SH2D7: variants seen among roughly 807,000 people sequenced by gnomAD.
SH2D7 encodes SH2 domain-containing protein 7.
Under a neutral mutation model 40.8 loss-of-function variants are expected in SH2D7, and 32 were observed. The ratio of observed to expected loss-of-function variants is 0.78; its 90% CI spans 0.59 to 1.05. The LOEUF (loss-of-function observed/expected upper bound fraction) is 1.05. Ranked by LOEUF, SH2D7 falls within the 50% of genes least tolerant of loss-of-function variation. The pLI, the probability that SH2D7 is intolerant of heterozygous loss-of-function variation, is 0.00. For missense variants in SH2D7, 559 were observed against 566.6 expected, an observed-to-expected ratio of 0.99 and a Z score of 0.14; for synonymous variants, 195 against 221.5, an observed-to-expected ratio of 0.88 and a Z score of 1.06.
intron 2 of SH2D7, among the ~76,000 whole-genome samples, chr15:78,097,320 C>T (rs1052922737): frequency 2.6e-5 from 4 of 152,150 alleles, no homozygotes; most frequent in African/African-American, 9.7e-5. Flanking sequence ...ATTCATCAAG[C>T]TGCACATTTA....
At chr15:78,102,972 C>T (rs915421451) in intron 5 of SH2D7, among the ~76,000 whole-genome samples, 3 of 152,120 alleles carry the variant, frequency 2.0e-5, no homozygotes, top group Non-Finnish European at 1.5e-5. Flanking sequence ...CCCACACACC[C>T]CATGGATAGC....
At chr15:78,094,850 G>C (rs1238104524) in intron 2 of SH2D7, among the ~76,000 whole-genome samples, 1 of 152,172 alleles carries the variant, frequency 6.6e-6, no homozygotes, top group Non-Finnish European at 1.5e-5. Flanking sequence ...TGAGGTCTAG[G>C]CTAGGGTAAG....
rs1452859352 is a variant in SH2D7 at position 78,092,700 on chromosome 15, C to T, written c.116C>T (p.Ala39Val). ...CTGAAGTGGTTCATGGAGACACAGG[C>T]CCCCTTCATTCTGCAGAACGGTGCC... ...LALKWFMETQ[A>V]PFILQNGALP... The change falls in exon 1 of 6, where the codon GCC becomes GTC. Residue 39 changes from alanine (A) to valine (V), a missense_variant. Ala to Val is a moderately conservative substitution (Grantham distance 64). Transcript: ENST00000328828. 4.4e-6 allele frequency: 7 copies of T among 1,599,770 alleles called. No individual in the cohort carries two copies. The South Asian group carries it at 6.8e-5, about 16-fold the overall frequency.
intron 4 of SH2D7, among the ~76,000 whole-genome samples, chr15:78,099,019 C>CTTT (rs573619880): frequency 6.8e-6 from 1 of 146,864 alleles, no homozygotes; most frequent in African/African-American, 2.5e-5. Context: ...TTTTTCTTTT[C>CTTT]TTTTTTTTTT....
At position 78,094,203 on chromosome 15, in the gene SH2D7, T is replaced by A; in HGVS notation, c.266+2T>A. On this transcript the variant is annotated splice_donor_variant, in intron 2 of 5. Coordinates refer to ENST00000328828, the MANE Select transcript of SH2D7 (RefSeq NM_001101404.2). LOFTEE classifies it high-confidence loss of function. ...CACTGGCTACATCTTGTCCTACAGG[T>A]AAGAGGGGAAGCCCTCTGGGCAAGC... 2 of 1,606,288 alleles carry A rather than the reference T, an allele frequency of 1.2e-6. No individual in the cohort carries two copies. The highest frequency in any genetic ancestry group is 1.7e-6 in the Non-Finnish European group (2 of 1,176,556).
chr15:78,100,754 A>T, intron 4 of SH2D7, 145 bp from the exon 5 acceptor site: 2 of 817,388 alleles, frequency 2.4e-6, no homozygotes, highest in African/African-American at 1.7e-5. Flanking sequence ...AGGGACCCTG[A>T]GTGTCATGTA....
intron 1 of SH2D7, among the ~76,000 whole-genome samples, chr15:78,093,049 G>A (rs964480639): frequency 6.6e-6 from 1 of 152,242 alleles, no homozygotes; most frequent in African/African-American, 2.4e-5. Context: ...GACTTGATGA[G>A]TAACTAGGGG....
intron 4 of SH2D7, among the ~76,000 whole-genome samples, chr15:78,099,709 G>A (rs757787404): frequency 2.0e-5 from 3 of 151,804 alleles, no homozygotes; most frequent in Non-Finnish European, 4.4e-5. Context: ...CTTCACTGGG[G>A]CCCACAAGAG....
chr15:78,091,832 C>T (rs1227811578), upstream of SH2D7, among the ~76,000 whole-genome samples: 1 of 152,244 alleles, frequency 6.6e-6, no homozygotes, highest in Non-Finnish European at 1.5e-5. Flanking sequence ...CAAGAGTCTA[C>T]TCCCCTAGGT....
At position 78,099,554 on chromosome 15, in the gene SH2D7, T is replaced by G. The variant is rs151132665; in HGVS notation, c.645+958T>G. Among the ~76,000 whole-genome samples, 18 of 151,924 alleles carry G rather than the reference T, an allele frequency of 1.2e-4. No individual in the cohort carries two copies. The East Asian group carries it at 3.5e-3, about 29-fold the overall frequency. On this transcript the variant is annotated intron_variant, in intron 4 of 5. Transcript: ENST00000328828. ...GTTGGCCAGGCTGGACTTGAACTCT[T>G]GACTTCAGGTGATCCGCCTACCTCG...
At chr15:78,093,856 G>A (rs915357385) in intron 1 of SH2D7, among the ~76,000 whole-genome samples, 5 of 152,210 alleles carry the variant, frequency 3.3e-5, no homozygotes, top group African/African-American at 4.8e-5. Context: ...TGGGGAGTTG[G>A]GGGGGTTGCA....
chr15:78,098,221 G>C, intron 3 of SH2D7, 127 bp downstream of exon 3: 4 of 1,403,532 alleles, frequency 2.8e-6, no homozygotes, highest in Non-Finnish European at 2.9e-6. Context: ...ACTTGGTGTG[G>C]GGTCATGATC....
At chr15:78,091,716 C>T (rs1045633736), upstream of SH2D7, among the ~76,000 whole-genome samples, 1 of 152,244 alleles carries the variant, frequency 6.6e-6, no homozygotes, top group Non-Finnish European at 1.5e-5. Context: ...GACCCATCTA[C>T]TCCAAAGTCC....
chr15:78,096,656 G>A (rs558932054), intron 2 of SH2D7, among the ~76,000 whole-genome samples: 121 of 139,346 alleles, frequency 8.7e-4, no homozygotes, highest in African/African-American at 3.0e-3. Context: ...CCACGACACC[G>A]GCTATTTTTT....
intron 1 of SH2D7, 81 bp from the exon 2 acceptor site, chr15:78,094,031 G>T (rs2073955213): frequency 1.5e-6 from 2 of 1,376,258 alleles, no homozygotes; most frequent in Admixed American, 4.1e-5. Context: ...GGCCAGCAGG[G>T]ATTCCAAGAG....
At position 78,101,050 on chromosome 15, in the gene SH2D7, C is replaced by T; in HGVS notation, c.797C>T (p.Pro266Leu). 1.9e-6 allele frequency: 3 copies of T among 1,607,188 alleles called. No homozygotes were observed. The highest frequency in any genetic ancestry group is 1.7e-4 in the Middle Eastern group (1 of 6,012). The change falls in exon 5 of 6, where the codon CCA becomes CTA. Residue 266 changes from proline (P) to leucine (L), a missense_variant. Coordinates refer to ENST00000328828, the MANE Select transcript of SH2D7 (RefSeq NM_001101404.2). ...ACAGAGGGGTCCGGCAGGCATGGGC[C>T]AGTTCCAGCTGGCAGCCAGGCCTAC... is the stretch of plus-strand genomic sequence containing the variant. ...LGTEGSGRHGPVPAGSQAYSP... is the reference protein window; with the variant it reads ...LGTEGSGRHGLVPAGSQAYSP...
intron 2 of SH2D7, 22 bp from the exon 3 acceptor site, chr15:78,097,907 A>C: frequency 6.2e-7 from 1 of 1,610,808 alleles, no homozygotes; most frequent in Non-Finnish European, 8.5e-7. Context: ...GCAGCCCCAG[A>C]CCACAAGCAC....
Position 78,103,633 on chromosome 15 carries a change from C to T in SH2D7, c.*118C>T. 1.6e-6 allele frequency: 2 copies of T among 1,277,682 alleles called. No individual in the cohort carries two copies. Among genetic ancestry groups the T allele is most frequent in the East Asian group, 2.5e-5 (1 of 39,344 alleles). 79.1% of individuals were successfully genotyped at this position (1,277,682 alleles called of 1,614,324 possible). A position where few individuals can be genotyped will look rare whatever the true frequency, so the allele number is the denominator to read the frequency against. On this transcript the variant is annotated 3_prime_UTR_variant, in exon 6 of 6. Coordinates refer to ENST00000328828, the MANE Select transcript of SH2D7 (RefSeq NM_001101404.2). ...CTTTGGATCTTGAGACTCATCCAGCCTGCTACAGAACTAGGCTCCGAGACA... is the reference window on the plus strand; with the variant it reads ...CTTTGGATCTTGAGACTCATCCAGCTTGCTACAGAACTAGGCTCCGAGACA...
In SH2D7 at chr15:78,097,991, C is replaced by T. The variant is rs201535434; in HGVS notation, c.329C>T (p.Ser110Leu). The change falls in exon 3 of 6, where the codon TCA becomes TTA. Residue 110 changes from serine to leucine, a missense_variant. Coordinates refer to ENST00000328828, the MANE Select transcript of SH2D7 (RefSeq NM_001101404.2). ...NQLRNRRYII[S>L]GDTQSHSTLA... ...CTTCGAAACCGGCGTTACATCATCT[C>T]AGGAGACACCCAGAGCCACAGCACC... is the stretch of plus-strand genomic sequence containing the variant. 6.2e-7 allele frequency: 1 copy of T among 1,612,756 alleles called. No individual in the cohort carries two copies. Among genetic ancestry groups the T allele is most frequent in the Non-Finnish European group, 8.5e-7 (1 of 1,179,402 alleles).
Sources: allele counts gnomAD v4.1 joint callset (sites outside exome capture counted in the v4.1 genomes callset), GRCh38; gene constraint gnomAD v4.1.1; transcripts MANE v1.5; gene names NCBI Gene and HGNC (gene_info 2026-07-23, HGNC 2026-07-21).